Variants in TNRC18 observed in about 807,000 individuals in gnomAD.
TNRC18 encodes the protein trinucleotide repeat-containing gene 18 protein.
In TNRC18, 69 loss-of-function variants were observed where a neutral mutation model predicts 226.7. That is an observed-to-expected ratio of 0.30 (90% confidence interval 0.25 to 0.37). The LOEUF is 0.37. Ranked by LOEUF, TNRC18 falls within the 10% of genes least tolerant of loss-of-function variation. The probability of loss-of-function intolerance (pLI) is 1.00; values close to 1 mark genes in which losing one functional copy is unlikely to be tolerated. For missense variants in TNRC18, 4,754 were observed against 4,256.6 expected, an observed-to-expected ratio of 1.12 and a Z score of -3.25; for synonymous variants, 2,449 against 1,927.6, an observed-to-expected ratio of 1.27 and a Z score of -7.09.
chr7:5,318,338 A>G (rs1051945577), intron 24 of TNRC18, among the ~76,000 whole-genome samples: 1 of 152,148 alleles, frequency 6.6e-6, no homozygotes, highest in Non-Finnish European at 1.5e-5. Flanking sequence ...TTTAAATGAC[A>G]GCAGAAAATT....
chr7:5,413,761 G>A (rs1374250885), intron 2 of TNRC18, among the ~76,000 whole-genome samples: 2 of 152,182 alleles, frequency 1.3e-5, no homozygotes, highest in Non-Finnish European at 2.9e-5. Flanking sequence ...CCTAACTCCT[G>A]GCCTCAAGCG....
chr7:5,348,047 C>A (rs1041464730), intron 17 of TNRC18, among the ~76,000 whole-genome samples: 2 of 152,212 alleles, frequency 1.3e-5, no homozygotes, highest in African/African-American at 2.4e-5. Flanking sequence ...CATCCAGTGA[C>A]CTTCCCTGCC....
intron 11 of TNRC18, among the ~76,000 whole-genome samples, chr7:5,366,003 GGAGAC>G (rs1176687526): frequency 1.3e-5 from 2 of 152,114 alleles, no homozygotes; most frequent in Admixed American, 1.3e-4. Flanking sequence ...CCTGGGAGGC[GGAGAC>G]TGCGGTGAGC....
At position 5,376,904 on chromosome 7, in the gene TNRC18, T is replaced by C; in HGVS notation, c.2551A>G (p.Arg851Gly). 2 of 1,609,580 alleles carry C rather than the reference T, an allele frequency of 1.2e-6. No individual in the cohort carries two copies. The highest frequency in any genetic ancestry group is 1.1e-5 in the South Asian group (1 of 90,170). Reference protein sequence around the residue: ...GSLPSAYQFVRDPQSGQLVVI... With the variant: ...GSLPSAYQFVGDPQSGQLVVI... ...ACCAGCTGGCCCGATTGGGGGTCCC[T>C]GACAAACTGGTAGGCTGACGGGAGG... is the stretch of plus-strand genomic sequence containing the variant. Residue 851 changes from arginine (R) to glycine (G), a missense_variant, in exon 8 of 30, where the codon AGG becomes GGG. Coordinates refer to ENST00000430969, the MANE Select transcript of TNRC18 (RefSeq NM_001080495.3).
chr7:5,410,990 G>A lies in TNRC18; in HGVS notation c.187+10070C>T, dbSNP rs377510799. Among the ~76,000 whole-genome samples the A allele has an allele frequency of 1.0e-3, 158 of 151,850 alleles. 1 individual carries two copies. Among genetic ancestry groups the A allele is most frequent in the African/African-American group, 3.7e-3 (152 of 41,460 alleles). On this transcript the variant is annotated intron_variant, in intron 2 of 29. Coordinates refer to ENST00000430969, the MANE Select transcript of TNRC18 (RefSeq NM_001080495.3). ...GGAGGCCGAGGCAGGTGGATCACTT[G>A]AGGTCAGGAGTTTGAGACCAGCCTG... is the stretch of plus-strand genomic sequence containing the variant.
Position 5,387,733 on chromosome 7 carries a change from A to G in TNRC18, c.2091T>C (p.Ser697=), listed in dbSNP as rs749132997. ...AVARQKDSGG[S]GRLGPGLVDQ... ...CTACCAGCCCAGGCCCCAGCCGGCC[A>G]CTGCCGCCACTGTCCTTCTGCCGGG... Residue 697 remains serine, a synonymous_variant, in exon 5 of 30, where the codon AGT becomes AGC. Transcript: ENST00000430969. The G allele has an allele frequency of 1.2e-6, 2 of 1,606,224 alleles. No homozygotes were observed. The highest frequency in any genetic ancestry group is 2.2e-5 in the East Asian group (1 of 44,864).
chr7:5,345,592 G>A lies in TNRC18; in HGVS notation c.5689C>T (p.Arg1897Trp), dbSNP rs900538281. Reference sequence around the variant, plus strand: ...AGGCTCTGCCGCTCCTCTTTCTTCCGGGCCTTCTGCTTGGCCTCCAGCTGT... The same window carrying A: ...AGGCTCTGCCGCTCCTCTTTCTTCCAGGCCTTCTGCTTGGCCTCCAGCTGT... The part of the protein sequence containing the change: ...VVQLEAKQKA[R>W]KKEERQSLLG... Residue 1897 changes from arginine to tryptophan, a missense_variant, in exon 18 of 30, where the codon CGG (arginine) becomes TGG (tryptophan). By Grantham distance (101) the Arg-to-Trp change is moderately radical. Transcript: ENST00000430969. 39 of 1,456,284 alleles carry A rather than the reference G, an allele frequency of 2.7e-5. No individual in the cohort carries two copies. Among genetic ancestry groups the A allele is most frequent in the East Asian group, 5.8e-5 (2 of 34,534 alleles). The allele number at this position is 1,456,284 out of a possible 1,614,324, so 90.2% of individuals were successfully genotyped here.
In TNRC18 at chr7:5,313,280, G is replaced by C. The variant is rs1227885270; in HGVS notation, c.7611C>G (p.Asp2537Glu). ...TGTCTGGGCTCTTGGGGTTCCCAGA[G>C]TCCTCGAACGTGAGCCCCGGCCCGG... ...QEPGPGLTFEDSGNPKSPDKA... is the reference protein window; with the variant it reads ...QEPGPGLTFEESGNPKSPDKA... Residue 2537 changes from aspartate to glutamate, a missense_variant, in exon 27 of 30, where the codon GAC becomes GAG. Physicochemically the swap from Asp to Glu is conservative, Grantham distance 45. Coordinates refer to ENST00000430969, the MANE Select transcript of TNRC18 (RefSeq NM_001080495.3). 4 of 1,548,434 alleles carry C rather than the reference G, an allele frequency of 2.6e-6. No individual in the cohort carries two copies. In the African/African-American group the frequency reaches 5.5e-5, roughly 21 times the overall value.
chr7:5,385,954 G>A (rs1400273122), intron 5 of TNRC18, among the ~76,000 whole-genome samples: 1 of 129,382 alleles, frequency 7.7e-6, no homozygotes, highest in East Asian at 2.4e-4. Flanking sequence ...TTGCACTCCA[G>A]CCTGGGCAAC....
intron 18 of TNRC18, among the ~76,000 whole-genome samples, chr7:5,333,545 C>T (rs1462735561): frequency 6.6e-6 from 1 of 152,172 alleles, no homozygotes; most frequent in African/African-American, 2.4e-5. Context: ...ACATGGCCAC[C>T]CCAGCAGCCC....
intron 27 of TNRC18, among the ~76,000 whole-genome samples, chr7:5,311,992 C>G (rs1344749507): frequency 2.0e-5 from 3 of 151,936 alleles, no homozygotes; most frequent in Non-Finnish European, 2.9e-5. Context: ...AAAAATTAGC[C>G]AGGCGTGGTG....
chr7:5,402,572 G>T (rs763561928), intron 2 of TNRC18, among the ~76,000 whole-genome samples: 4 of 151,498 alleles, frequency 2.6e-5, no homozygotes, highest in Admixed American at 1.3e-4. Context: ...ATATTTATGC[G>T]GCTGGGCGCA....
intron 2 of TNRC18, among the ~76,000 whole-genome samples, chr7:5,409,964 C>G (rs954793612): frequency 4.1e-5 from 6 of 146,698 alleles, no homozygotes; most frequent in Non-Finnish European, 8.9e-5. Context: ...GCACTCCAGG[C>G]TGGGTGAAAG....
At chr7:5,397,279 C>G (rs547866838) in intron 2 of TNRC18, among the ~76,000 whole-genome samples, 1 of 152,196 alleles carries the variant, frequency 6.6e-6, no homozygotes, top group Non-Finnish European at 1.5e-5. Flanking sequence ...CGGAAGCCAG[C>G]AGCCAGGGTT....
At chr7:5,321,000 G>T in intron 22 of TNRC18, 73 bp downstream of exon 22, 1 of 1,102,946 alleles carries the variant, frequency 9.1e-7, no homozygotes. Flanking sequence ...GAAGCAGCCA[G>T]GCACAGAGGC....
intron 14 of TNRC18, among the ~76,000 whole-genome samples, chr7:5,359,827 TCA>T (rs35120436): frequency 0.28 from 41,871 of 151,220 alleles, 5,695 homozygotes; most frequent in Non-Finnish European, 0.29. Flanking sequence ...ACGCGTACAC[TCA>T]CACACACACA....
rs773861585 is a variant in TNRC18, at chr7:5,377,899, T to G, written c.2255+23A>C. On this transcript the variant is annotated intron_variant, in intron 6 of 29. Coordinates refer to ENST00000430969, the MANE Select transcript of TNRC18 (RefSeq NM_001080495.3). The surrounding 1 kb of genome is among the most constrained non-coding windows in gnomAD (Gnocchi z 5.8). Reference sequence around the variant, plus strand: ...GGGCTCCTAGATACCCCCTAGACCCTCAGGATCCCCCGACACCCTCACCTG... The same window carrying G: ...GGGCTCCTAGATACCCCCTAGACCCGCAGGATCCCCCGACACCCTCACCTG... 2 of 1,609,852 alleles carry G rather than the reference T, an allele frequency of 1.2e-6. No homozygotes were observed. Among genetic ancestry groups the G allele is most frequent in the Non-Finnish European group, 1.7e-6 (2 of 1,177,390 alleles).
At chr7:5,422,517 C>T (rs920608098) in intron 1 of TNRC18, among the ~76,000 whole-genome samples, 13 of 152,204 alleles carry the variant, frequency 8.5e-5, no homozygotes, top group Non-Finnish European at 1.8e-4. Flanking sequence ...CCACCCTTCC[C>T]TCGATCTCTG....
In TNRC18 at chr7:5,357,065, T is replaced by G; in HGVS notation, c.5045A>C (p.Lys1682Thr). The change falls in exon 16 of 30, where the codon AAG becomes ACG. Residue 1682 changes from lysine (K) to threonine (T), a missense_variant. By Grantham distance (78) the Lys-to-Thr change is moderately conservative. Transcript: ENST00000430969. ...GGATTTCAGAGACAGGCCGAGGCCC[T>G]TGGCCAGCGCCTTCCTGTTCTTCCC... ...LLGKNRKALA[K>T]GLGLSLKSSR... 1.9e-6 allele frequency: 3 copies of G among 1,552,166 alleles called. No homozygotes were observed. In the Admixed American group the frequency reaches 5.9e-5, roughly 30 times the overall value.
Sources: allele counts gnomAD v4.1 joint callset (sites outside exome capture counted in the v4.1 genomes callset), GRCh38; gene constraint gnomAD v4.1.1; non-coding constraint Gnocchi (gnomAD v3.1); transcripts MANE v1.5; gene names NCBI Gene and HGNC (gene_info 2026-07-23, HGNC 2026-07-21).